The following AGPAT4 variants were observed in gnomAD, a reference collection of about 807,000 sequenced individuals.
The protein encoded by AGPAT4 is 1-acylglycerol-3-phosphate O-acyltransferase 4, also known as 1-acyl-sn-glycerol-3-phosphate acyltransferase delta.
In AGPAT4, 15 loss-of-function variants were observed where a neutral mutation model predicts 48.0. That is an observed-to-expected ratio of 0.31 (90% confidence interval 0.21 to 0.48). The LOEUF is 0.48. AGPAT4 is among the 20% of genes least tolerant of loss of function. The probability of loss-of-function intolerance (pLI) is 0.99; values close to 1 mark genes in which losing one functional copy is unlikely to be tolerated. For missense variants in AGPAT4, 314 were observed against 482.5 expected, an observed-to-expected ratio of 0.65 and a Z score of 3.27; for synonymous variants, 178 against 198.7, an observed-to-expected ratio of 0.90 and a Z score of 0.88.
At position 161,221,415 on chromosome 6, in the gene AGPAT4, T is replaced by C. The variant is rs935035597; in HGVS notation, c.178+10621A>G. 2.6e-5 allele frequency among the ~76,000 whole-genome samples: 4 copies of C among 152,190 alleles called. No individual in the cohort carries two copies. The highest frequency in any genetic ancestry group is 4.4e-5 in the Non-Finnish European group (3 of 68,020). ...TGGATAAAAGCAAGGTATTTTATCG[T>C]ATAATCTCTCATTTCCTATCTTATC... On this transcript the variant is annotated intron_variant, in intron 2 of 8. Coordinates refer to ENST00000320285, the MANE Select transcript of AGPAT4 (RefSeq NM_020133.3). The surrounding 1 kb of genome is among the most constrained non-coding windows in gnomAD (Gnocchi z 4.5).
intron 1 of AGPAT4, among the ~76,000 whole-genome samples, chr6:161,260,811 C>T (rs991610876): frequency 2.6e-5 from 4 of 152,044 alleles, no homozygotes; most frequent in African/African-American, 9.7e-5. Context: ...CTCACTTGAG[C>T]CAGGGAGGTC....
rs1779206471 is a variant in AGPAT4, at chr6:161,140,208, T to A, written c.844-588A>T. Among the ~76,000 whole-genome samples, 1 of 152,200 alleles carries A rather than the reference T, an allele frequency of 6.6e-6. No homozygotes were observed. The highest frequency in any genetic ancestry group is 2.1e-4 in the South Asian group (1 of 4,834). ...CTGAGGGCCGTGATTCAAGGCATCA[T>A]GAATGACAAAGGGCTGGAGGGCTGC... is the stretch of plus-strand genomic sequence containing the variant. On this transcript the variant is annotated intron_variant, in intron 7 of 8. Coordinates refer to ENST00000320285, the MANE Select transcript of AGPAT4 (RefSeq NM_020133.3). This position sits in a 1 kb window ranked among gnomAD's most constrained non-coding sequence, Gnocchi z 6.5.
intron 2 of AGPAT4, among the ~76,000 whole-genome samples, chr6:161,207,880 G>A (rs755448663): frequency 5.3e-5 from 8 of 152,094 alleles, no homozygotes; most frequent in Non-Finnish European, 1.2e-4. Flanking sequence ...AGTGGGTGGG[G>A]ACAGGAGTGT....
chr6:161,272,547 T>C lies in AGPAT4; in HGVS notation c.-90+1391A>G, dbSNP rs911580450. Among the ~76,000 whole-genome samples the C allele has an allele frequency of 2.6e-5, 4 of 152,172 alleles. No homozygotes were observed. The highest frequency in any genetic ancestry group is 9.7e-5 in the African/African-American group (4 of 41,424). On this transcript the variant is annotated intron_variant, in intron 1 of 8. Transcript: ENST00000320285. The surrounding 1 kb of genome is among the most constrained non-coding windows in gnomAD (Gnocchi z 4.2). ...ATGTGTTATTTGATTCTAATTATAATTAACTTTGCTTATTACTAAGTAGAT... is the reference window on the plus strand; with the variant it reads ...ATGTGTTATTTGATTCTAATTATAACTAACTTTGCTTATTACTAAGTAGAT...
In AGPAT4 at chr6:161,261,338, T is replaced by C. The variant is rs1343166375; in HGVS notation, c.-90+12600A>G. On this transcript the variant is annotated intron_variant, in intron 1 of 8. Coordinates refer to ENST00000320285, the MANE Select transcript of AGPAT4 (RefSeq NM_020133.3). The surrounding 1 kb of genome is among the most constrained non-coding windows in gnomAD (Gnocchi z 5.3). ...GGCCACATGACGTTGACAAGTGCTATTTCCCTTCGTGTGTATATCTGCCAT... is the reference window on the plus strand; with the variant it reads ...GGCCACATGACGTTGACAAGTGCTACTTCCCTTCGTGTGTATATCTGCCAT... Among the ~76,000 whole-genome samples, 1 of 152,196 alleles carries C rather than the reference T, an allele frequency of 6.6e-6. No individual in the cohort carries two copies.
At position 161,221,428 on chromosome 6, in the gene AGPAT4, T is replaced by G. The variant is rs1781832325; in HGVS notation, c.178+10608A>C. On this transcript the variant is annotated intron_variant, in intron 2 of 8. Coordinates refer to ENST00000320285, the MANE Select transcript of AGPAT4 (RefSeq NM_020133.3). The surrounding 1 kb of genome is among the most constrained non-coding windows in gnomAD (Gnocchi z 4.5). ...GGTATTTTATCGTATAATCTCTCAT[T>G]TCCTATCTTATCAATAAAATAAAGG... 6.6e-6 allele frequency among the ~76,000 whole-genome samples: 1 copy of G among 152,150 alleles called. No individual in the cohort carries two copies. Among genetic ancestry groups the G allele is most frequent in the South Asian group, 2.1e-4 (1 of 4,830 alleles).
chr6:161,149,441 G>T lies in AGPAT4; in HGVS notation c.665-152C>A. 1.7e-6 allele frequency: 1 copy of T among 592,330 alleles called. No individual in the cohort carries two copies. The highest frequency in any genetic ancestry group is 2.8e-6 in the Non-Finnish European group (1 of 359,006). 36.7% of individuals were successfully genotyped at this position (592,330 alleles called of 1,614,324 possible). On this transcript the variant is annotated intron_variant, in intron 5 of 8. Transcript: ENST00000320285. The surrounding 1 kb of genome is among the most constrained non-coding windows in gnomAD (Gnocchi z 6.5). ...TTCTTTCTTTCTATATGGTCCACAT[G>T]TTCTACACTGAATGTGTATTATCTT...
rs752254688 is a variant in AGPAT4, at chr6:161,144,249, C to G, written c.843+2275G>C. 2.0e-6 allele frequency: 1 copy of G among 511,656 alleles called. No homozygotes were observed. The highest frequency in any genetic ancestry group is 1.9e-5 in the African/African-American group (1 of 51,446). The allele number at this position is 511,656 out of a possible 1,614,324, so 31.7% of individuals were successfully genotyped here. ...TCACAGACACATACTGCTTAGAGAA[C>G]TCGGTGTCGCCCCAGCCCTGCACGG... On this transcript the variant is annotated intron_variant, in intron 7 of 8. Coordinates refer to ENST00000320285, the MANE Select transcript of AGPAT4 (RefSeq NM_020133.3). The surrounding 1 kb of genome is among the most constrained non-coding windows in gnomAD (Gnocchi z 6.6).
rs1782802863 is a variant in AGPAT4 at position 161,251,523 on chromosome 6, CT to C, written c.-89-19222del. ...TTCCTTGGCCTTGCTCTCTTGGCCT[CT>C]CCACCTGATCTCCTCTTCCTCTCCC... On this transcript the variant is annotated intron_variant, in intron 1 of 8. Coordinates refer to ENST00000320285, the MANE Select transcript of AGPAT4 (RefSeq NM_020133.3). The surrounding 1 kb of genome is among the most constrained non-coding windows in gnomAD (Gnocchi z 4.6). Among the ~76,000 whole-genome samples, 1 of 152,226 alleles carries C rather than the reference CT, an allele frequency of 6.6e-6. No individual in the cohort carries two copies. Among genetic ancestry groups the C allele is most frequent in the Non-Finnish European group, 1.5e-5 (1 of 68,044 alleles).
intron 2 of AGPAT4, among the ~76,000 whole-genome samples, chr6:161,176,244 T>C (rs1302958277): frequency 2.6e-5 from 4 of 152,184 alleles, no homozygotes; most frequent in African/African-American, 7.2e-5. Context: ...GGTGTTAAAG[T>C]CTCCCATTAT....
intron 2 of AGPAT4, among the ~76,000 whole-genome samples, chr6:161,182,508 C>G (rs1476099800): frequency 6.6e-6 from 1 of 151,272 alleles, no homozygotes; most frequent in Non-Finnish European, 1.5e-5. Flanking sequence ...TGCCCTCACC[C>G]CAGCCCTGCA....
chr6:161,171,956 G>A lies in AGPAT4; in HGVS notation c.179-5539C>T, dbSNP rs1303529038. Among the ~76,000 whole-genome samples the A allele has an allele frequency of 6.6e-6, 1 of 151,934 alleles. No individual in the cohort carries two copies. The highest frequency in any genetic ancestry group is 1.5e-5 in the Non-Finnish European group (1 of 67,978). On this transcript the variant is annotated intron_variant, in intron 2 of 8. Transcript: ENST00000320285. The surrounding 1 kb of genome is among the most constrained non-coding windows in gnomAD (Gnocchi z 4.4). ...AGTTTCCAACACATGAACTCTGGGGGACACATTCAGAACATAGCATCCCTG... is the reference window on the plus strand; with the variant it reads ...AGTTTCCAACACATGAACTCTGGGGAACACATTCAGAACATAGCATCCCTG...
Position 161,231,775 on chromosome 6 carries a change from C to T in AGPAT4, c.178+261G>A, listed in dbSNP as rs947588347. On this transcript the variant is annotated intron_variant, in intron 2 of 8. Coordinates refer to ENST00000320285, the MANE Select transcript of AGPAT4 (RefSeq NM_020133.3). This position sits in a 1 kb window ranked among gnomAD's most constrained non-coding sequence, Gnocchi z 5.3. ...TAATACTGATTGGTTCTGAGGAGAA[C>T]TAAAGAAACTAATGGAATGCGTATT... Among the ~76,000 whole-genome samples the T allele has an allele frequency of 9.9e-5, 15 of 152,038 alleles. No individual in the cohort carries two copies. The highest frequency in any genetic ancestry group is 2.9e-4 in the African/African-American group (12 of 41,392).
Position 161,208,320 on chromosome 6 carries a change from G to A in AGPAT4, c.178+23716C>T, listed in dbSNP as rs1781432574. Among the ~76,000 whole-genome samples the A allele has an allele frequency of 6.6e-6, 1 of 152,082 alleles. No homozygotes were observed. Among genetic ancestry groups the A allele is most frequent in the South Asian group, 2.1e-4 (1 of 4,810 alleles). On this transcript the variant is annotated intron_variant, in intron 2 of 8. Coordinates refer to ENST00000320285, the MANE Select transcript of AGPAT4 (RefSeq NM_020133.3). The surrounding 1 kb of genome is among the most constrained non-coding windows in gnomAD (Gnocchi z 4.6). ...CTCTGTGGAACTTCCCTAACAATGT[G>A]CTCTTGTACATTTATCATCTTTCTG...
At chr6:161,174,531 T>G in intron 2 of AGPAT4, among the ~76,000 whole-genome samples, 1 of 152,222 alleles carries the variant, frequency 6.6e-6, no homozygotes, top group Non-Finnish European at 1.5e-5. Flanking sequence ...GTTTATCAGC[T>G]TAAGGAGATT....
chr6:161,183,711 GGAGAGGAGAT>G (rs1780674747), intron 2 of AGPAT4, among the ~76,000 whole-genome samples: 2 of 100,166 alleles, frequency 2.0e-5, no homozygotes, highest in Non-Finnish European at 4.2e-5. Flanking sequence ...GGAGAGGAGA[GGAGAGGAGAT>G]GGGAGAAGAG....
Position 161,221,704 on chromosome 6 carries a change from T to A in AGPAT4, c.178+10332A>T, listed in dbSNP as rs1180083223. Among the ~76,000 whole-genome samples the A allele has an allele frequency of 6.6e-6, 1 of 152,088 alleles. No individual in the cohort carries two copies. The highest frequency in any genetic ancestry group is 1.5e-5 in the Non-Finnish European group (1 of 68,002). ...ACCTCAGATCGGGGTGTTAGCAGGG[T>A]TGGTTCCTTCTGAGCATGTGAGGGA... On this transcript the variant is annotated intron_variant, in intron 2 of 8. Coordinates refer to ENST00000320285, the MANE Select transcript of AGPAT4 (RefSeq NM_020133.3). The surrounding 1 kb of genome is among the most constrained non-coding windows in gnomAD (Gnocchi z 4.5).
Position 161,161,328 on chromosome 6 carries a change from A to G in AGPAT4, c.348+4920T>C, listed in dbSNP as rs1269469407. 2 of 456,732 alleles carry G rather than the reference A, an allele frequency of 4.4e-6. No individual in the cohort carries two copies. Among genetic ancestry groups the G allele is most frequent in the Admixed American group, 4.7e-5 (2 of 42,580 alleles). 28.3% of individuals were successfully genotyped at this position (456,732 alleles called of 1,614,324 possible). ...GCAGCCATAGTCCCGTGAGCTGCCC[A>G]CTTCCTGCCCTGGCCAGTGGTTCGC... is the stretch of plus-strand genomic sequence containing the variant. On this transcript the variant is annotated intron_variant, in intron 3 of 8. Coordinates refer to ENST00000320285, the MANE Select transcript of AGPAT4 (RefSeq NM_020133.3). The surrounding 1 kb of genome is among the most constrained non-coding windows in gnomAD (Gnocchi z 4.6).
chr6:161,150,526 T>C (rs1426702747), intron 5 of AGPAT4, among the ~76,000 whole-genome samples: 1 of 152,230 alleles, frequency 6.6e-6, no homozygotes, highest in African/African-American at 2.4e-5. Flanking sequence ...TGGTTGGGAA[T>C]ATGTGGAACC....
Sources: gnomAD v4.1 joint callset for allele counts (sites outside exome capture counted in the v4.1 genomes callset) on GRCh38, gnomAD v4.1.1 for gene constraint, Gnocchi (gnomAD v3.1) non-coding constraint, MANE v1.5 for transcripts, NCBI Gene and HGNC (gene_info 2026-07-23, HGNC 2026-07-21) for gene names.